The following FAM13A variants were observed in gnomAD, a reference collection of about 807,000 sequenced individuals.
The protein encoded by FAM13A is protein FAM13A.
A neutral mutation model predicts 129.6 loss-of-function variants in FAM13A; 76 were observed. The ratio of observed to expected loss-of-function variants is 0.59; its 90% confidence interval spans 0.49 to 0.71. The LOEUF (loss-of-function observed/expected upper bound fraction) is 0.71. Ranked by LOEUF, FAM13A falls within the 30% of genes least tolerant of loss-of-function variation. The pLI, the probability that FAM13A is intolerant of heterozygous loss-of-function variation, is 0.00. For synonymous variants in FAM13A, 443 were observed against 449.9 expected, an observed-to-expected ratio of 0.98 and a Z score of 0.20; for missense variants, 1,108 against 1,249.3, an observed-to-expected ratio of 0.89 and a Z score of 1.70.
At chr4:88,903,876 A>G (rs1747706747) in intron 6 of FAM13A, among the ~76,000 whole-genome samples, 1 of 152,224 alleles carries the variant, frequency 6.6e-6, no homozygotes, top group African/African-American at 2.4e-5. Context: ...TAACTTATCC[A>G]TCTGACAAAG....
At chr4:88,930,423 G>C (rs912342666) in intron 5 of FAM13A, among the ~76,000 whole-genome samples, 9 of 152,150 alleles carry the variant, frequency 5.9e-5, no homozygotes, top group African/African-American at 1.9e-4. Context: ...ACCTGAGGTA[G>C]TATAATCTTT....
chr4:89,050,387 G>C (rs10030342), intron 1 of FAM13A, among the ~76,000 whole-genome samples: 43,759 of 151,434 alleles, frequency 0.29, 6,828 homozygotes, highest in Middle Eastern at 0.42. Context: ...TGTATTTGTA[G>C]TAGAGATGGG....
intron 14 of FAM13A, among the ~76,000 whole-genome samples, chr4:88,756,237 A>C (rs993273473): frequency 6.6e-6 from 1 of 152,274 alleles, no homozygotes; most frequent in African/African-American, 2.4e-5. Flanking sequence ...AAGTATGCTT[A>C]GTATTTGCCA....
intron 6 of FAM13A, among the ~76,000 whole-genome samples, chr4:88,872,141 G>A (rs1188787009): frequency 6.6e-6 from 1 of 152,178 alleles, no homozygotes; most frequent in East Asian, 1.9e-4. Flanking sequence ...AGCTCCTGAA[G>A]GAAGCACTAA....
intron 7 of FAM13A, among the ~76,000 whole-genome samples, chr4:88,840,844 C>G (rs1029877357): frequency 1.2e-4 from 19 of 152,096 alleles, no homozygotes; most frequent in Admixed American, 1.0e-3. Flanking sequence ...AAATTAGGTT[C>G]AGATTTTTGA....
At chr4:88,943,575 G>A (rs1755138094) in intron 4 of FAM13A, among the ~76,000 whole-genome samples, 1 of 152,148 alleles carries the variant, frequency 6.6e-6, no homozygotes, top group Non-Finnish European at 1.5e-5. Flanking sequence ...TTATTCTGAT[G>A]CCTTTCTAAA....
rs183613451 is a variant in FAM13A at position 88,968,941 on chromosome 4, G to A, written c.605+22032C>T. ...ATCAAAGGAGATACACTTTAACTAA[G>A]GGGGTATGAAATATTTGTAAGGAAA... is the stretch of plus-strand genomic sequence containing the variant. On this transcript the variant is annotated intron_variant, in intron 4 of 23. Transcript: ENST00000264344. Among the ~76,000 whole-genome samples the A allele has an allele frequency of 2.0e-3, 306 of 152,198 alleles. 4 individuals carry two copies. The highest frequency in any genetic ancestry group is 7.1e-3 in the African/African-American group (296 of 41,536).
At position 88,747,626 on chromosome 4, in the gene FAM13A, C is replaced by T. The variant is rs760980930; in HGVS notation, c.2382+5G>A. 1.1e-5 allele frequency: 18 copies of T among 1,612,364 alleles called. No homozygotes were observed. In the East Asian group the frequency reaches 1.6e-4, roughly 14 times the overall value. ...AGGGCTTAGCACTTCACAGAATGAT[C>T]GCACCTTAATGTCCTCAGGGCGGCT... On this transcript the variant is annotated splice_donor_5th_base_variant and intron_variant, in intron 18 of 23. Transcript: ENST00000264344.
At chr4:88,789,098 C>T (rs1724580079) in intron 9 of FAM13A, among the ~76,000 whole-genome samples, 1 of 152,012 alleles carries the variant, frequency 6.6e-6, no homozygotes, top group Admixed American at 6.6e-5. Flanking sequence ...CATGAGGATG[C>T]CATAAAATGC....
At chr4:88,741,497 C>T (rs1026173901) in intron 19 of FAM13A, among the ~76,000 whole-genome samples, 7 of 152,094 alleles carry the variant, frequency 4.6e-5, no homozygotes, top group African/African-American at 9.7e-5. Flanking sequence ...ACGGTACTGA[C>T]GAAGGGAACA....
intron 5 of FAM13A, among the ~76,000 whole-genome samples, chr4:88,908,684 A>C (rs898877826): frequency 6.6e-6 from 1 of 152,244 alleles, no homozygotes; most frequent in Non-Finnish European, 1.5e-5. Context: ...TATGACTTTA[A>C]ACTTAGACAA....
intron 3 of FAM13A, among the ~76,000 whole-genome samples, chr4:89,003,574 A>T (rs13146548): frequency 9.2e-5 from 14 of 151,786 alleles, no homozygotes; most frequent in Non-Finnish European, 2.1e-4. Context: ...CAGAGGTTGC[A>T]GTGAGCTGGA....
chr4:88,985,772 C>T (rs1267291039), intron 4 of FAM13A, among the ~76,000 whole-genome samples: 4 of 151,108 alleles, frequency 2.6e-5, no homozygotes, highest in Admixed American at 1.3e-4. Flanking sequence ...GGGAAACAAA[C>T]GACCATCAGA....
chr4:88,839,439 C>T (rs6841494), intron 7 of FAM13A, among the ~76,000 whole-genome samples: 13,452 of 152,112 alleles, frequency 0.088, 1,023 homozygotes, highest in African/African-American at 0.21. Flanking sequence ...CCTGCCTTTA[C>T]GGAGCTTACA....
chr4:88,751,270 CAAAG>C (rs1167183075), intron 14 of FAM13A, among the ~76,000 whole-genome samples: 4 of 151,922 alleles, frequency 2.6e-5, no homozygotes, highest in African/African-American at 9.7e-5. Context: ...CAAAAAAAAA[CAAAG>C]AAAAGAAAAT....
chr4:89,038,541 T>C (rs1429462241), intron 1 of FAM13A, among the ~76,000 whole-genome samples: 1 of 151,982 alleles, frequency 6.6e-6, no homozygotes, highest in Non-Finnish European at 1.5e-5. Flanking sequence ...GCTGGGCAAA[T>C]TTAGGACAGT....
At chr4:88,924,417 G>T (rs1372154854) in intron 5 of FAM13A, among the ~76,000 whole-genome samples, 1 of 152,108 alleles carries the variant, frequency 6.6e-6, no homozygotes, top group Non-Finnish European at 1.5e-5. Context: ...ACAACTATCT[G>T]ATCTTTGACA....
intron 6 of FAM13A, among the ~76,000 whole-genome samples, chr4:88,872,447 C>T (rs571775759): frequency 6.6e-5 from 10 of 152,232 alleles, no homozygotes; most frequent in African/African-American, 1.9e-4. Flanking sequence ...GGAAGATCTA[C>T]CAAGCAAATG....
At chr4:88,993,728 C>T (rs891167758) in intron 3 of FAM13A, among the ~76,000 whole-genome samples, 3 of 152,084 alleles carry the variant, frequency 2.0e-5, no homozygotes, top group Admixed American at 6.6e-5. Flanking sequence ...CGGCTGGGCG[C>T]GGCAGCTCAC....
Sources: gnomAD v4.1 joint callset for allele counts (sites outside exome capture counted in the v4.1 genomes callset) on GRCh38, gnomAD v4.1.1 for gene constraint, MANE v1.5 for transcripts, NCBI Gene and HGNC (gene_info 2026-07-23, HGNC 2026-07-21) for gene names.